Variants in TYR observed in about 807,000 individuals in gnomAD.
The protein encoded by TYR is LB24-AB.
TYR carries 58 observed loss-of-function variants against 51.5 expected under a neutral mutation model. The observed-to-expected ratio is 1.13, with a 90% CI of 0.91 to 1.40. The LOEUF is 1.40. Among genes scored for constraint, TYR ranks in the 40% most tolerant of loss-of-function variants. TYR has a pLI of 0.00. For missense variants in TYR, 732 were observed against 647.4 expected, an observed-to-expected ratio of 1.13 and a Z score of -1.42; for synonymous variants, 263 against 235.2, an observed-to-expected ratio of 1.12 and a Z score of -1.08.
In TYR at chr11:89,240,986, G is replaced by A. The variant is rs1944186077; in HGVS notation, c.1184+13016G>A. Reference sequence around the variant, plus strand: ...GATATGGGGTTGAAAAGTTTGAGAAGGTTGAAGACTCCAAAAGAAAGAATT... The same window carrying A: ...GATATGGGGTTGAAAAGTTTGAGAAAGTTGAAGACTCCAAAAGAAAGAATT... On this transcript the variant is annotated intron_variant, in intron 3 of 4. Coordinates refer to ENST00000263321, the MANE Select transcript of TYR (RefSeq NM_000372.5). Among the ~76,000 whole-genome samples the A allele has an allele frequency of 2.6e-5, 4 of 152,156 alleles. No individual in the cohort carries two copies. In the South Asian group the frequency reaches 8.3e-4, roughly 32 times the overall value.
intron 2 of TYR, among the ~76,000 whole-genome samples, chr11:89,216,591 C>A (rs770087241): frequency 4.3e-5 from 6 of 138,350 alleles, no homozygotes; most frequent in Non-Finnish European, 9.0e-5. Context: ...AGGCAGAGGT[C>A]GCAGTGAGCC....
At chr11:89,242,594 G>C (rs1944213452) in intron 3 of TYR, among the ~76,000 whole-genome samples, 1 of 152,154 alleles carries the variant, frequency 6.6e-6, no homozygotes, top group Non-Finnish European at 1.5e-5. Context: ...AGATAAACTA[G>C]AGAGCTCTAT....
At chr11:89,257,694 T>G (rs1321016593) in intron 3 of TYR, among the ~76,000 whole-genome samples, 1 of 152,060 alleles carries the variant, frequency 6.6e-6, no homozygotes, top group African/African-American at 2.4e-5. Flanking sequence ...GCTGCAGACC[T>G]CATTTTATTT....
chr11:89,227,792 CAT>C lies in TYR; in HGVS notation c.1037-28_1037-27del, dbSNP rs750304137. 1.1e-5 allele frequency: 18 copies of C among 1,596,826 alleles called. No individual in the cohort carries two copies. The African/African-American group carries it at 2.1e-4, about 19-fold the overall frequency. On this transcript the variant is annotated intron_variant, in intron 2 of 4. Coordinates refer to ENST00000263321, the MANE Select transcript of TYR (RefSeq NM_000372.5). ...ATAGGTTTTCAGTCATTAAAGTAAA[CAT>C]ATTTTTTTCATTTTTTTTTAATGAA...
intron 3 of TYR, among the ~76,000 whole-genome samples, chr11:89,272,135 T>G (rs901383811): frequency 1.1e-4 from 17 of 151,948 alleles, no homozygotes; most frequent in Non-Finnish European, 2.4e-4. Flanking sequence ...CTTAATTGTA[T>G]CTAAATAGTT....
intron 2 of TYR, among the ~76,000 whole-genome samples, chr11:89,221,003 T>TACAAAAA (rs1448943796): frequency 6.6e-6 from 1 of 152,180 alleles, no homozygotes; most frequent in African/African-American, 2.4e-5. Context: ...ACAAAAACCT[T>TACAAAAA]TCTTGAATTT....
intron 3 of TYR, among the ~76,000 whole-genome samples, chr11:89,271,376 G>A (rs1357694780): frequency 6.6e-6 from 1 of 151,866 alleles, no homozygotes; most frequent in African/African-American, 2.4e-5. Context: ...TGATTTCACA[G>A]TGCATATAAA....
intron 1 of TYR, among the ~76,000 whole-genome samples, chr11:89,189,082 T>A (rs1943410208): frequency 6.6e-6 from 1 of 152,196 alleles, no homozygotes. Flanking sequence ...AACCTACTTT[T>A]AAAAATTTTT....
Position 89,178,398 on chromosome 11 carries a change from T to C in TYR, c.445T>C (p.Tyr149His). The part of the protein sequence containing the change: ...TLAKHTISSD[Y>H]VIPIGTYGQM... ...AGCAAAGCATACCATCAGCTCAGAC[T>C]ATGTCATCCCCATAGGGACCTATGG... is the stretch of plus-strand genomic sequence containing the variant. The change falls in exon 1 of 5, where the codon TAT (tyrosine) becomes CAT (histidine). Residue 149 changes from tyrosine to histidine, a missense_variant. By Grantham distance (83) the Tyr-to-His change is moderately conservative. Transcript: ENST00000263321. 1.2e-6 allele frequency: 2 copies of C among 1,614,162 alleles called. No homozygotes were observed. The highest frequency in any genetic ancestry group is 1.7e-6 in the Non-Finnish European group (2 of 1,180,022).
At chr11:89,184,357 A>C (rs867246983) in intron 1 of TYR, among the ~76,000 whole-genome samples, 12 of 152,192 alleles carry the variant, frequency 7.9e-5, no homozygotes, top group African/African-American at 2.9e-4. Flanking sequence ...AAAATGATTT[A>C]GTCTACATAC....
intron 3 of TYR, among the ~76,000 whole-genome samples, chr11:89,248,570 C>T (rs551538483): frequency 1.1e-4 from 16 of 152,152 alleles, no homozygotes; most frequent in African/African-American, 3.1e-4. Flanking sequence ...AAGCTAAATA[C>T]GGTAAACAAG....
chr11:89,200,703 A>G (rs1418638130), intron 2 of TYR: 2 of 152,128 alleles, frequency 1.3e-5, no homozygotes, highest in African/African-American at 4.8e-5. Flanking sequence ...TTAAAAACAC[A>G]CTACATCTGA....
At chr11:89,217,846 TCTA>T (rs1385144867) in intron 2 of TYR, among the ~76,000 whole-genome samples, 7 of 152,242 alleles carry the variant, frequency 4.6e-5, no homozygotes, top group Non-Finnish European at 1.0e-4. Flanking sequence ...TATCCCATTT[TCTA>T]CTACATGGAA....
At chr11:89,222,688 G>A (rs1426198307) in intron 2 of TYR, among the ~76,000 whole-genome samples, 1 of 151,998 alleles carries the variant, frequency 6.6e-6, no homozygotes, top group African/African-American at 2.4e-5. Flanking sequence ...GCAGAAAGCT[G>A]AGATCACACC....
At chr11:89,288,780 T>C (rs891436327) in intron 4 of TYR, among the ~76,000 whole-genome samples, 1 of 151,950 alleles carries the variant, frequency 6.6e-6, no homozygotes, top group African/African-American at 2.4e-5. Flanking sequence ...GTAACACCAA[T>C]TGCCTATTTT....
chr11:89,178,300 G>A lies in TYR; in HGVS notation c.347G>A (p.Arg116Gln), dbSNP rs772122395. ...GFWGPNCTER[R>Q]LLVRRNIFDL... Reference sequence around the variant, plus strand: ...TGGGGACCAAACTGCACAGAGAGACGACTCTTGGTGAGAAGAAACATCTTC... The same window carrying A: ...TGGGGACCAAACTGCACAGAGAGACAACTCTTGGTGAGAAGAAACATCTTC... Residue 116 changes from arginine (R) to glutamine (Q), a missense_variant, in exon 1 of 5, where the codon CGA becomes CAA. Arg to Gln is a conservative substitution (Grantham distance 43). Transcript: ENST00000263321. 1.6e-5 allele frequency: 26 copies of A among 1,614,024 alleles called. No individual in the cohort carries two copies. The highest frequency in any genetic ancestry group is 2.7e-5 in the African/African-American group (2 of 74,920).
intron 2 of TYR, among the ~76,000 whole-genome samples, chr11:89,193,080 C>G (rs1303339293): frequency 6.6e-6 from 1 of 152,082 alleles, no homozygotes; most frequent in Non-Finnish European, 1.5e-5. Context: ...TATAACAAAT[C>G]TAAGGTACAC....
At chr11:89,219,132 A>C (rs80318800) in intron 2 of TYR, among the ~76,000 whole-genome samples, 3,826 of 152,242 alleles carry the variant, frequency 0.025, 174 homozygotes, top group African/African-American at 0.088. Flanking sequence ...ACTGTCTTGC[A>C]TGCTGATGCA....
chr11:89,203,341 C>G (rs1943624867), intron 2 of TYR, among the ~76,000 whole-genome samples: 1 of 152,172 alleles, frequency 6.6e-6, no homozygotes, highest in Non-Finnish European at 1.5e-5. Context: ...TAAAGTAAAG[C>G]TGGGGACTCT....
Sources: gnomAD v4.1 joint callset for allele counts (sites outside exome capture counted in the v4.1 genomes callset) on GRCh38, gnomAD v4.1.1 for gene constraint, MANE v1.5 for transcripts, NCBI Gene and HGNC (gene_info 2026-07-23, HGNC 2026-07-21) for gene names.